The following CTNND2 variants were observed in gnomAD, a reference collection of about 807,000 sequenced individuals.
CTNND2 encodes catenin delta-2.
In CTNND2, 22 loss-of-function variants were observed where a neutral mutation model predicts 144.4. That is an observed-to-expected ratio of 0.15 (90% CI 0.11 to 0.22). The LOEUF (loss-of-function observed/expected upper bound fraction) is 0.22. Among genes scored for constraint, CTNND2 ranks in the 10% least tolerant of loss-of-function variants. The pLI, the probability that CTNND2 is intolerant of heterozygous loss-of-function variation, is 1.00. For missense variants in CTNND2, 1,353 were observed against 1,618.8 expected, an observed-to-expected ratio of 0.84 and a Z score of 2.82; for synonymous variants, 751 against 695.6, an observed-to-expected ratio of 1.08 and a Z score of -1.25.
chr5:11,081,322 T>C (rs542778301), intron 16 of CTNND2, among the ~76,000 whole-genome samples: 14 of 152,338 alleles, frequency 9.2e-5, no homozygotes, highest in African/African-American at 3.1e-4. Flanking sequence ...TTTTCAAATG[T>C]TCCCACCAAA....
chr5:11,276,905 A>T (rs929974383), intron 9 of CTNND2, among the ~76,000 whole-genome samples: 5 of 152,188 alleles, frequency 3.3e-5, no homozygotes, highest in African/African-American at 1.2e-4. Context: ...CCCAGAAAGG[A>T]TTATCCCCTA....
In CTNND2 at chr5:11,020,192, G is replaced by A. The variant is rs61751673; in HGVS notation, c.3000-2134C>T. 2.9e-3 allele frequency among the ~76,000 whole-genome samples: 448 copies of A among 152,078 alleles called. 3 individuals are homozygous for A. Among genetic ancestry groups the A allele is most frequent in the East Asian group, 0.012 (62 of 5,162 alleles). ...TCTGATAGACTGTGATTGGCAACTC[G>A]CCAATCTGACTCATTAACATCACTG... On this transcript the variant is annotated intron_variant, in intron 17 of 21. Coordinates refer to ENST00000304623, the MANE Select transcript of CTNND2 (RefSeq NM_001332.4).
chr5:11,030,990 C>G (rs1296747095), intron 16 of CTNND2, among the ~76,000 whole-genome samples: 1 of 152,084 alleles, frequency 6.6e-6, no homozygotes, highest in Non-Finnish European at 1.5e-5. Context: ...GCCTTAAGAT[C>G]TTCACAGATG....
intron 20 of CTNND2, among the ~76,000 whole-genome samples, chr5:10,984,078 A>C (rs1321670612): frequency 6.6e-6 from 1 of 151,924 alleles, no homozygotes; most frequent in Admixed American, 6.6e-5. Flanking sequence ...CCCCCATCTC[A>C]TTACCCTGAT....
intron 2 of CTNND2, among the ~76,000 whole-genome samples, chr5:11,679,536 C>T (rs1017793817): frequency 9.2e-5 from 14 of 152,338 alleles, no homozygotes; most frequent in Admixed American, 3.9e-4. Context: ...CTGCTTCTCA[C>T]TCCCTCAGGT....
intron 11 of CTNND2, among the ~76,000 whole-genome samples, chr5:11,196,281 T>G (rs746436263): frequency 1.3e-5 from 2 of 152,248 alleles, no homozygotes; most frequent in African/African-American, 2.4e-5. Flanking sequence ...AATTGTTCTT[T>G]TGAATATTTG....
At chr5:11,438,479 G>A (rs1417796493) in intron 3 of CTNND2, among the ~76,000 whole-genome samples, 1 of 152,172 alleles carries the variant, frequency 6.6e-6, no homozygotes, top group Non-Finnish European at 1.5e-5. Flanking sequence ...AAAGCAGATG[G>A]TCCCATATTA....
At chr5:11,838,578 T>C (rs1052711402) in intron 1 of CTNND2, among the ~76,000 whole-genome samples, 2 of 152,324 alleles carry the variant, frequency 1.3e-5, no homozygotes, top group East Asian at 3.9e-4. Flanking sequence ...TTCAAGTAGC[T>C]GACTACTTAA....
chr5:11,487,317 TA>T, intron 3 of CTNND2, among the ~76,000 whole-genome samples: 1 of 152,372 alleles, frequency 6.6e-6, no homozygotes, highest in East Asian at 1.9e-4. Flanking sequence ...ACAAAGTGGT[TA>T]TTTAAACAAT....
intron 3 of CTNND2, among the ~76,000 whole-genome samples, chr5:11,490,924 G>T (rs1769327082): frequency 6.6e-6 from 1 of 152,130 alleles, no homozygotes; most frequent in African/African-American, 2.4e-5. Flanking sequence ...GGAGGTTGAG[G>T]CTACAGCGAG....
intron 2 of CTNND2, among the ~76,000 whole-genome samples, chr5:11,626,115 G>C (rs1194670998): frequency 6.6e-6 from 1 of 151,996 alleles, no homozygotes; most frequent in Non-Finnish European, 1.5e-5. Flanking sequence ...TAATGTAAAG[G>C]CAACCCAACT....
intron 1 of CTNND2, among the ~76,000 whole-genome samples, chr5:11,780,747 T>C (rs1434660796): frequency 6.6e-6 from 1 of 152,072 alleles, no homozygotes; most frequent in African/African-American, 2.4e-5. Flanking sequence ...TCTAGAGTAA[T>C]AGAGGTGACA....
At chr5:11,003,515 T>C (rs1740174591) in intron 18 of CTNND2, among the ~76,000 whole-genome samples, 1 of 152,196 alleles carries the variant, frequency 6.6e-6, no homozygotes, top group Non-Finnish European at 1.5e-5. Flanking sequence ...TTAGTGGCAT[T>C]TACACATACA....
intron 1 of CTNND2, among the ~76,000 whole-genome samples, chr5:11,763,273 C>A (rs546821738): frequency 2.0e-5 from 3 of 152,200 alleles, no homozygotes; most frequent in Admixed American, 1.3e-4. Context: ...TCAGGTAGTT[C>A]TTTATAGCAG....
chr5:11,880,943 ATAC>A lies in CTNND2; in HGVS notation c.37+22871_37+22873del, dbSNP rs199915586. On this transcript the variant is annotated intron_variant, in intron 1 of 21. Coordinates refer to ENST00000304623, the MANE Select transcript of CTNND2 (RefSeq NM_001332.4). ...ACTACTACCACTACTACTGCTACTA[ATAC>A]TACTACTACTACCACTACTACTACT... Among the ~76,000 whole-genome samples the A allele has an allele frequency of 8.4e-3, 1,052 of 124,528 alleles. 9 individuals carry two copies. Among genetic ancestry groups the A allele is most frequent in the African/African-American group, 0.026 (846 of 32,340 alleles). 81.7% of individuals were successfully genotyped at this position (124,528 alleles called of 152,430 possible).
At chr5:11,575,614 T>C (rs1311093841) in intron 2 of CTNND2, among the ~76,000 whole-genome samples, 1 of 152,206 alleles carries the variant, frequency 6.6e-6, no homozygotes, top group Non-Finnish European at 1.5e-5. Context: ...TGTTGAAACT[T>C]AAATAGCTAA....
At chr5:11,413,405 C>T (rs982923434) in intron 3 of CTNND2, among the ~76,000 whole-genome samples, 3 of 152,096 alleles carry the variant, frequency 2.0e-5, no homozygotes, top group Non-Finnish European at 4.4e-5. Context: ...ATTCAAAAAT[C>T]AGAACCATAG....
intron 16 of CTNND2, among the ~76,000 whole-genome samples, chr5:11,040,309 G>A (rs1744570794): frequency 1.3e-5 from 2 of 152,068 alleles, no homozygotes; most frequent in Non-Finnish European, 1.5e-5. Flanking sequence ...TATTTCACAT[G>A]CCCGAATTGG....
intron 13 of CTNND2, among the ~76,000 whole-genome samples, chr5:11,116,545 A>G (rs1753565684): frequency 6.6e-6 from 1 of 152,264 alleles, no homozygotes; most frequent in East Asian, 1.9e-4. Context: ...AATCAAACTT[A>G]TTTAAGACTA....
Sources: allele counts gnomAD v4.1 joint callset (sites outside exome capture counted in the v4.1 genomes callset), GRCh38; gene constraint gnomAD v4.1.1; transcripts MANE v1.5; gene names NCBI Gene and HGNC (gene_info 2026-07-23, HGNC 2026-07-21).